STXBP5L: variants seen among roughly 807,000 people sequenced by gnomAD.
STXBP5L encodes syntaxin-binding protein 5-like.
In STXBP5L, 65 loss-of-function variants were observed where a neutral mutation model predicts 144.5. The ratio of observed to expected loss-of-function variants is 0.45; its 90% CI spans 0.37 to 0.55. The LOEUF is 0.55. Among genes scored for constraint, STXBP5L ranks in the 20% least tolerant of loss-of-function variants. STXBP5L has a pLI of 0.00. For synonymous variants in STXBP5L, 505 were observed against 469.6 expected (o/e 1.08, Z -0.97); for missense variants, 1,298 against 1,405.5 (o/e 0.92, Z 1.22).
At chr3:121,009,701 G>C (rs1944625905) in intron 3 of STXBP5L, among the ~76,000 whole-genome samples, 1 of 151,936 alleles carries the variant, frequency 6.6e-6, no homozygotes, top group South Asian at 2.1e-4. Context: ...ACTTATATAT[G>C]AACTTAGTTG....
chr3:121,308,021 A>T (rs575650214), intron 19 of STXBP5L, among the ~76,000 whole-genome samples: 107 of 152,346 alleles, frequency 7.0e-4, no homozygotes, highest in African/African-American at 2.4e-3. Flanking sequence ...AGGGAATGGG[A>T]TGACATATTC....
chr3:120,960,977 T>A (rs1007689563), intron 3 of STXBP5L, among the ~76,000 whole-genome samples: 15 of 152,190 alleles, frequency 9.9e-5, no homozygotes, highest in Middle Eastern at 3.2e-3. Flanking sequence ...AGATTTTTTT[T>A]AAATTACTGT....
chr3:121,365,617 G>A (rs1165416108), intron 20 of STXBP5L, among the ~76,000 whole-genome samples: 1 of 151,508 alleles, frequency 6.6e-6, no homozygotes, highest in African/African-American at 2.4e-5. Flanking sequence ...CAGCAATAAT[G>A]TCCCCATTTT....
intron 20 of STXBP5L, among the ~76,000 whole-genome samples, chr3:121,318,984 T>G (rs997443778): frequency 6.6e-6 from 1 of 152,070 alleles, no homozygotes; most frequent in East Asian, 1.9e-4. Context: ...AAAATGATGA[T>G]AGAATATGAT....
chr3:121,187,538 C>A lies in STXBP5L; in HGVS notation c.878-18385C>A, dbSNP rs554818687. Reference sequence around the variant, plus strand: ...CAAACCTGCACATTGTGCACATGTACCCTAAAACTTAAAATATAATAAAAA... The same window carrying A: ...CAAACCTGCACATTGTGCACATGTAACCTAAAACTTAAAATATAATAAAAA... On this transcript the variant is annotated intron_variant, in intron 9 of 26. Coordinates refer to ENST00000471454, the MANE Select transcript of STXBP5L (RefSeq NM_001308330.2). 4.0e-5 allele frequency among the ~76,000 whole-genome samples: 6 copies of A among 149,802 alleles called. No individual in the cohort carries two copies. In the South Asian group the frequency reaches 1.1e-3, roughly 26 times the overall value.
intron 5 of STXBP5L, among the ~76,000 whole-genome samples, chr3:121,090,680 A>G (rs183575835): frequency 1.7e-4 from 26 of 152,154 alleles, no homozygotes; most frequent in African/African-American, 5.5e-4. Context: ...ATTTTTGGTC[A>G]TTTATTTGTA....
chr3:121,263,143 T>A (rs1021153504), intron 18 of STXBP5L, among the ~76,000 whole-genome samples: 1 of 152,200 alleles, frequency 6.6e-6, no homozygotes, highest in African/African-American at 2.4e-5. Flanking sequence ...TCTTTGTTGT[T>A]CTGCTGCCTC....
chr3:121,329,188 C>T (rs767767958), intron 20 of STXBP5L, among the ~76,000 whole-genome samples: 5 of 152,082 alleles, frequency 3.3e-5, no homozygotes, highest in Admixed American at 6.5e-5. Context: ...CCTTCTTATC[C>T]TGGGTAAAAG....
chr3:121,415,851 A>G lies in STXBP5L; in HGVS notation c.3115-6A>G. The G allele has an allele frequency of 6.3e-7, 1 of 1,583,116 alleles. No homozygotes were observed. Among genetic ancestry groups the G allele is most frequent in the Non-Finnish European group, 8.6e-7 (1 of 1,163,260 alleles). On this transcript the variant is annotated splice_region_variant and splice_polypyrimidine_tract_variant and intron_variant, in intron 24 of 26. Transcript: ENST00000471454. ...TCTAATGCTTTTTTCTGTGAATTTG[A>G]TGCAGGACATGCTAGGAGATTTGTT...
intron 20 of STXBP5L, among the ~76,000 whole-genome samples, chr3:121,340,967 G>A (rs1196597372): frequency 6.6e-6 from 1 of 151,984 alleles, no homozygotes; most frequent in Non-Finnish European, 1.5e-5. Context: ...GATATTATTT[G>A]CAAGTCTCAT....
chr3:121,034,712 G>A (rs1000403340), intron 3 of STXBP5L, among the ~76,000 whole-genome samples: 6 of 152,086 alleles, frequency 3.9e-5, no homozygotes, highest in Admixed American at 3.3e-4. Context: ...TTGGTATAAT[G>A]ATTTCTTCTC....
At chr3:121,164,724 C>T (rs959544627) in intron 9 of STXBP5L, among the ~76,000 whole-genome samples, 1 of 152,116 alleles carries the variant, frequency 6.6e-6, no homozygotes, top group Non-Finnish European at 1.5e-5. Flanking sequence ...GGAAAGATAT[C>T]CTGTCATTTG....
At chr3:121,035,908 T>G (rs927244468) in intron 3 of STXBP5L, among the ~76,000 whole-genome samples, 4 of 152,198 alleles carry the variant, frequency 2.6e-5, no homozygotes, top group Non-Finnish European at 2.9e-5. Context: ...TGTAATATTT[T>G]ATAGCTTTCA....
At chr3:121,093,240 G>A (rs1043219636) in intron 5 of STXBP5L, among the ~76,000 whole-genome samples, 1 of 151,974 alleles carries the variant, frequency 6.6e-6, no homozygotes, top group Non-Finnish European at 1.5e-5. Flanking sequence ...TCTCTTTTTT[G>A]GTTTTGTCTC....
At chr3:121,183,428 A>G (rs1002271967) in intron 9 of STXBP5L, among the ~76,000 whole-genome samples, 1 of 152,184 alleles carries the variant, frequency 6.6e-6, no homozygotes, top group African/African-American at 2.4e-5. Flanking sequence ...TAGATTTGAT[A>G]AATGAATCAG....
At chr3:121,193,680 G>T (rs1164781300) in intron 9 of STXBP5L, among the ~76,000 whole-genome samples, 5 of 152,138 alleles carry the variant, frequency 3.3e-5, no homozygotes, top group African/African-American at 9.7e-5. Flanking sequence ...GCAGGGACAT[G>T]GATGAAGCTG....
chr3:121,073,286 T>C (rs1274448354), intron 5 of STXBP5L, among the ~76,000 whole-genome samples: 3 of 152,184 alleles, frequency 2.0e-5, no homozygotes, highest in Non-Finnish European at 2.9e-5. Context: ...TCTCCAGGGT[T>C]ATGTAGGGGT....
At chr3:120,940,806 C>G (rs1351147341) in intron 2 of STXBP5L, among the ~76,000 whole-genome samples, 1 of 151,678 alleles carries the variant, frequency 6.6e-6, no homozygotes, top group African/African-American at 2.4e-5. Flanking sequence ...ATTCGTATTA[C>G]TCTGTCACTA....
Position 121,254,950 on chromosome 3 carries a change from G to A in STXBP5L, c.1497G>A (p.Lys499=). Residue 499 remains lysine, a synonymous_variant, in exon 16 of 27, where the codon AAG becomes AAA. Coordinates refer to ENST00000471454, the MANE Select transcript of STXBP5L (RefSeq NM_001308330.2). ...CTTCAAAAGTGTTTGAAAAACAGAA[G>A]GTAGGAGAAGGAAAACAAACATGTG... ...LKTSKVFEKQ[K]VGEGKQTCEI... 1 of 1,613,448 alleles carries A rather than the reference G, an allele frequency of 6.2e-7. No individual in the cohort carries two copies. Among genetic ancestry groups the A allele is most frequent in the Non-Finnish European group, 8.5e-7 (1 of 1,179,650 alleles).
Sources: allele counts gnomAD v4.1 joint callset (sites outside exome capture counted in the v4.1 genomes callset), GRCh38; gene constraint gnomAD v4.1.1; transcripts MANE v1.5; gene names NCBI Gene and HGNC (gene_info 2026-07-23, HGNC 2026-07-21).